The following DSP variants were observed in gnomAD, a reference collection of about 807,000 sequenced individuals.
DSP encodes desmoplakin.
A neutral mutation model predicts 290.6 loss-of-function variants in DSP; 114 were observed. The ratio of observed to expected loss-of-function variants is 0.39; its 90% CI spans 0.34 to 0.46. DSP has a LOEUF of 0.46. Among genes scored for constraint, DSP ranks in the 20% least tolerant of loss-of-function variants. The pLI is 0.99. For synonymous variants in DSP, 1,311 were observed against 1,316.4 expected (o/e 1.00, Z 0.09); for missense variants, 3,230 against 3,495.8 (o/e 0.92, Z 1.92).
intron 17 of DSP, 85 bp from the exon 18 acceptor site, chr6:7,575,210 T>A: frequency 7.2e-7 from 1 of 1,379,536 alleles, no homozygotes; most frequent in Non-Finnish European, 1.0e-6. Flanking sequence ...TTTTATAAAC[T>A]TTGCCGCCCA....
intron 12 of DSP, 86 bp from the exon 13 acceptor site, chr6:7,570,351 G>T: frequency 6.3e-7 from 1 of 1,599,852 alleles, no homozygotes. Flanking sequence ...AGGTTTTTGT[G>T]CAGTGGTGTG....
chr6:7,546,107 G>A (rs980018236), intron 1 of DSP, among the ~76,000 whole-genome samples: 6 of 152,274 alleles, frequency 3.9e-5, no homozygotes, highest in Admixed American at 3.9e-4. Flanking sequence ...TTAGGCGTTG[G>A]CTTAAGGAAG....
At chr6:7,563,703 A>T (rs1049595577) in intron 5 of DSP, 33 bp from the exon 6 acceptor site, 3 of 1,584,976 alleles carry the variant, frequency 1.9e-6, no homozygotes, top group East Asian at 2.2e-5. Context: ...CCACAAGGGG[A>T]TTTATATCTA....
intron 1 of DSP, among the ~76,000 whole-genome samples, chr6:7,547,943 A>G (rs1758212364): frequency 6.6e-6 from 1 of 152,046 alleles, no homozygotes; most frequent in Non-Finnish European, 1.5e-5. Flanking sequence ...GGACATCCTT[A>G]AAGTTATGGA....
In DSP at chr6:7,571,973, A is replaced by G. The variant is rs1759070407; in HGVS notation, c.2035A>G (p.Ile679Val). 4 of 1,614,194 alleles carry G rather than the reference A, an allele frequency of 2.5e-6. No individual in the cohort carries two copies. The South Asian group carries it at 4.4e-5, about 18-fold the overall frequency. Residue 679 changes from isoleucine (I) to valine (V), a missense_variant, in exon 15 of 24, where the codon ATA becomes GTA. This residue lies in a region of DSP where 1,714 missense variants were observed against 1,844.5 expected (regional missense o/e 0.93). Coordinates refer to ENST00000379802, the MANE Select transcript of DSP (RefSeq NM_004415.4). ...GGAGCTGCAGAAGATTCGCAGGCAGATAGAGCACTGCGAGGGCAGGATGAC... is the reference window on the plus strand; with the variant it reads ...GGAGCTGCAGAAGATTCGCAGGCAGGTAGAGCACTGCGAGGGCAGGATGAC... Reference protein sequence around the residue: ...LMELQKIRRQIEHCEGRMTLK... With the variant: ...LMELQKIRRQVEHCEGRMTLK...
intron 10 of DSP, among the ~76,000 whole-genome samples, chr6:7,568,136 CAGAG>C (rs1758919426): frequency 6.6e-6 from 1 of 152,164 alleles, no homozygotes; most frequent in Non-Finnish European, 1.5e-5. Flanking sequence ...AAAATAAGAA[CAGAG>C]AGAACATTAC....
chr6:7,568,738 C>T, intron 11 of DSP, 149 bp downstream of exon 11: 1 of 883,832 alleles, frequency 1.1e-6, no homozygotes, highest in Non-Finnish European at 1.8e-6. Context: ...GGAACAAAAG[C>T]AGCAGCTCTG....
In DSP at chr6:7,559,313, A is replaced by G. The variant is rs1189739909; in HGVS notation, c.510A>G (p.Gly170=). The change falls in exon 4 of 24, where the codon GGA becomes GGG. Residue 170 remains glycine (G), a synonymous_variant. Transcript: ENST00000379802. ...RVRRASSKGG[G]GYTCQSGSGW... The stretch of plus-strand genomic sequence containing the variant: ...GCAGGGCCAGCTCCAAGGGTGGTGG[A>G]GGCTACACTTGTCAGAGTGGCTCTG... 1 of 1,613,962 alleles carries G rather than the reference A, an allele frequency of 6.2e-7. No individual in the cohort carries two copies. Among genetic ancestry groups the G allele is most frequent in the South Asian group, 1.1e-5 (1 of 91,070 alleles).
chr6:7,562,588 C>G, intron 4 of DSP, 64 bp from the exon 5 acceptor site: 1 of 1,610,182 alleles, frequency 6.2e-7, no homozygotes, highest in East Asian at 2.2e-5. Context: ...TGATGGTGTG[C>G]GTAAGTGAAA....
At position 7,580,090 on chromosome 6, in the gene DSP, G is replaced by A; in HGVS notation, c.3900G>A (p.Gln1300=). The change falls in exon 23 of 24, where the codon CAG becomes CAA. Residue 1300 remains glutamine, a synonymous_variant. Transcript: ENST00000379802. The surrounding 1 kb of genome is among the most constrained non-coding windows in gnomAD (Gnocchi z 4.2). ...HLEIELKQVM[Q]QRSEDNARHK... ...AGATAGAACTGAAGCAGGTCATGCA[G>A]CAGCGCTCTGAGGACAATGCCCGGC... 2.5e-6 allele frequency: 4 copies of A among 1,614,088 alleles called. No individual in the cohort carries two copies. The highest frequency in any genetic ancestry group is 3.4e-6 in the Non-Finnish European group (4 of 1,180,004).
intron 4 of DSP, 160 bp from the exon 5 acceptor site, chr6:7,562,492 A>G: frequency 1.6e-6 from 2 of 1,267,946 alleles, no homozygotes; most frequent in Non-Finnish European, 2.3e-6. Flanking sequence ...GCAACCCTGC[A>G]TTAGCCATTT....
chr6:7,557,641 C>T (rs1296509113), intron 2 of DSP, among the ~76,000 whole-genome samples: 1 of 152,152 alleles, frequency 6.6e-6, no homozygotes, highest in Non-Finnish European at 1.5e-5. Context: ...GATCGTGCCA[C>T]TGCACTCTAG....
chr6:7,546,151 G>A (rs1052971277), intron 1 of DSP, among the ~76,000 whole-genome samples: 1 of 152,204 alleles, frequency 6.6e-6, no homozygotes, highest in South Asian at 2.1e-4. Context: ...GGGAATGAAA[G>A]TCTGAACCAG....
intron 1 of DSP, among the ~76,000 whole-genome samples, chr6:7,553,519 C>T (rs1339119316): frequency 1.3e-5 from 2 of 152,130 alleles, no homozygotes; most frequent in Non-Finnish European, 2.9e-5. Flanking sequence ...TTTAATTCAT[C>T]CTAGGGTTCT....
intron 1 of DSP, among the ~76,000 whole-genome samples, chr6:7,551,806 A>G (rs1758350278): frequency 1.3e-5 from 2 of 152,176 alleles, no homozygotes; most frequent in African/African-American, 4.8e-5. Flanking sequence ...TGGATTCTTC[A>G]TTGGGCTAAG....
chr6:7,545,498 T>A (rs1443313790), intron 1 of DSP, among the ~76,000 whole-genome samples: 1 of 152,202 alleles, frequency 6.6e-6, no homozygotes, highest in Non-Finnish European at 1.5e-5. Context: ...GACAGGCCTG[T>A]AATTACACCA....
chr6:7,577,850 C>G lies in DSP; in HGVS notation c.2949C>G (p.Thr983=). ...TGCTGAACATACCTATCAAGAGGAC[C>G]ATGATTCAGTCCCCTTCTGGGGTGA... ...ETLLNIPIKR[T]MIQSPSGVIL... is the part of the protein sequence containing the mutation. The change falls in exon 21 of 24, where the codon ACC becomes ACG. Residue 983 remains threonine (T), a synonymous_variant. Coordinates refer to ENST00000379802, the MANE Select transcript of DSP (RefSeq NM_004415.4). 6.2e-7 allele frequency: 1 copy of G among 1,614,150 alleles called. No homozygotes were observed. Among genetic ancestry groups the G allele is most frequent in the South Asian group, 1.1e-5 (1 of 91,076 alleles).
In DSP at chr6:7,584,586, T is replaced by C. The variant is rs918725448; in HGVS notation, c.7324T>C (p.Cys2442Arg). ...RCIKDEETGL[C>R]LLPLKEKKKQ... ...CATTAAGGATGAGGAAACAGGGCTC[T>C]GTCTTCTGCCTCTGAAAGAAAAGAA... Residue 2442 changes from cysteine to arginine, a missense_variant, in exon 24 of 24, where the codon TGT becomes CGT. Physicochemically the swap from Cys to Arg is radical, Grantham distance 180. This residue lies in a region of DSP where 582 missense variants were observed against 555.4 expected (regional missense o/e 1.05). Coordinates refer to ENST00000379802, the MANE Select transcript of DSP (RefSeq NM_004415.4). The surrounding 1 kb of genome is among the most constrained non-coding windows in gnomAD (Gnocchi z 6.4). 6.2e-7 allele frequency: 1 copy of C among 1,614,118 alleles called. No individual in the cohort carries two copies. Among genetic ancestry groups the C allele is most frequent in the Non-Finnish European group, 8.5e-7 (1 of 1,180,000 alleles).
At chr6:7,571,703 C>G in intron 14 of DSP, 119 bp downstream of exon 14, 1 of 1,490,168 alleles carries the variant, frequency 6.7e-7, no homozygotes, top group Non-Finnish European at 9.3e-7. Flanking sequence ...CAGTGTTCTT[C>G]GTGCACTAAA....
Sources: allele counts gnomAD v4.1 joint callset (sites outside exome capture counted in the v4.1 genomes callset), GRCh38; gene constraint gnomAD v4.1.1; regional missense constraint gnomAD v4.1.1; non-coding constraint Gnocchi (gnomAD v3.1); transcripts MANE v1.5; gene names NCBI Gene and HGNC (gene_info 2026-07-23, HGNC 2026-07-21).